PITPNM2: variants seen among roughly 807,000 people sequenced by gnomAD.
PITPNM2 encodes membrane-associated phosphatidylinositol transfer protein 2.
PITPNM2 carries 35 observed loss-of-function variants against 132.2 expected under a neutral mutation model. The observed-to-expected ratio is 0.26, with a 90% CI of 0.20 to 0.35. PITPNM2 has a LOEUF of 0.35. PITPNM2 is among the 10% of genes least tolerant of loss of function. PITPNM2 has a pLI of 1.00. For missense variants in PITPNM2, 1,332 were observed against 1,912.0 expected (o/e 0.70, Z 5.66); for synonymous variants, 738 against 799.2 (o/e 0.92, Z 1.29).
rs2037880823 is a variant in PITPNM2, at chr12:122,985,099, G to GT, written c.*927_*928insA. 6.6e-6 allele frequency: 1 copy of GT among 152,594 alleles called. No individual in the cohort carries two copies. Among genetic ancestry groups the GT allele is most frequent in the South Asian group, 2.1e-4 (1 of 4,838 alleles). The allele number at this position is 152,594 out of a possible 1,614,324, so 9.5% of individuals were successfully genotyped here. On this transcript the variant is annotated 3_prime_UTR_variant, in exon 26 of 26. Transcript: ENST00000320201. ...TAAGTGGGCAGGAGCAGGGCCCACG[G>GT]GACCCAGAACCAGGCTGGACTCCGT...
At chr12:123,116,549 C>T (rs1244688922) in intron 1 of PITPNM2, among the ~76,000 whole-genome samples, 1 of 150,974 alleles carries the variant, frequency 6.6e-6, no homozygotes, top group Non-Finnish European at 1.5e-5. Flanking sequence ...CTCAGGAGGC[C>T]GAAGCAGGAG....
At chr12:123,067,180 T>C (rs1287277094) in intron 2 of PITPNM2, among the ~76,000 whole-genome samples, 1 of 152,092 alleles carries the variant, frequency 6.6e-6, no homozygotes, top group Non-Finnish European at 1.5e-5. Context: ...GCCATGGCCA[T>C]GCATGGTGGC....
At chr12:123,073,971 T>C (rs533677691) in intron 2 of PITPNM2, among the ~76,000 whole-genome samples, 1 of 152,334 alleles carries the variant, frequency 6.6e-6, no homozygotes, top group Admixed American at 6.5e-5. Context: ...CCTCCCATAC[T>C]GAGCACCCGC....
At chr12:123,050,602 C>T (rs935462698) in intron 2 of PITPNM2, among the ~76,000 whole-genome samples, 1 of 152,176 alleles carries the variant, frequency 6.6e-6, no homozygotes, top group African/African-American at 2.4e-5. Context: ...TAGAGGACAA[C>T]GAAAGGCCCA....
In PITPNM2 at chr12:122,994,493, G is replaced by A. The variant is rs2038332624; in HGVS notation, c.2233+308C>T. ...GAGGACCTTGGACCTGGGAGGCTGG[G>A]TCTGTCTCCATCTGACTCTGGGGTG... On this transcript the variant is annotated intron_variant, in intron 15 of 25. Coordinates refer to ENST00000320201, the MANE Select transcript of PITPNM2 (RefSeq NM_020845.3). The surrounding 1 kb of genome is among the most constrained non-coding windows in gnomAD (Gnocchi z 5.4). 6.6e-6 allele frequency among the ~76,000 whole-genome samples: 1 copy of A among 152,152 alleles called. No individual in the cohort carries two copies. The highest frequency in any genetic ancestry group is 1.5e-5 in the Non-Finnish European group (1 of 68,008).
At chr12:123,018,782 C>CTTTT (rs57520928) in intron 3 of PITPNM2, among the ~76,000 whole-genome samples, 20 of 121,430 alleles carry the variant, frequency 1.6e-4, no homozygotes, top group Admixed American at 3.3e-4. Context: ...CTTTCCTTTC[C>CTTTT]TTTTTTTTTT....
rs576736971 is a variant in PITPNM2 at position 122,992,741 on chromosome 12, G to T, written c.2234-72C>A. 5.3e-5 allele frequency: 67 copies of T among 1,254,098 alleles called. 1 individual carries two copies. In the East Asian group the frequency reaches 1.6e-3, roughly 30 times the overall value. 77.7% of individuals were successfully genotyped at this position (1,254,098 alleles called of 1,614,324 possible). On this transcript the variant is annotated intron_variant, in intron 15 of 25. Transcript: ENST00000320201. This position sits in a 1 kb window ranked among gnomAD's most constrained non-coding sequence, Gnocchi z 6.5. ...GCAGTGGTGGGGGTGGGAAATTTGG[G>T]AACTGGGCACTGGGTTGTCTGCTGA...
At chr12:123,028,003 T>G (rs1426209028) in intron 3 of PITPNM2, among the ~76,000 whole-genome samples, 1 of 152,128 alleles carries the variant, frequency 6.6e-6, no homozygotes, top group Non-Finnish European at 1.5e-5. Context: ...CCCTAAACAG[T>G]GCTGCGGTAC....
intron 19 of PITPNM2, 65 bp from the exon 20 acceptor site, chr12:122,988,415 G>A (rs1180856846): frequency 3.2e-5 from 45 of 1,391,158 alleles, no homozygotes; most frequent in Non-Finnish European, 4.4e-5. Context: ...GCCCTGGGAG[G>A]AGGAGGCCCA....
At position 123,099,840 on chromosome 12, in the gene PITPNM2, T is replaced by C. The variant is rs1351326192; in HGVS notation, c.-96+10545A>G. Reference sequence around the variant, plus strand: ...ACAGATGTGCCAGGCACTGACAGCCTGGGAGGCCTATTCCCAGGGGCAATC... The same window carrying C: ...ACAGATGTGCCAGGCACTGACAGCCCGGGAGGCCTATTCCCAGGGGCAATC... On this transcript the variant is annotated intron_variant, in intron 2 of 25. Coordinates refer to ENST00000320201, the MANE Select transcript of PITPNM2 (RefSeq NM_020845.3). This position sits in a 1 kb window ranked among gnomAD's most constrained non-coding sequence, Gnocchi z 4.2. 6.6e-6 allele frequency among the ~76,000 whole-genome samples: 1 copy of C among 152,086 alleles called. No individual in the cohort carries two copies. Among genetic ancestry groups the C allele is most frequent in the African/African-American group, 2.4e-5 (1 of 41,410 alleles).
At chr12:123,147,413 A>G in intron 1 of PITPNM2, among the ~76,000 whole-genome samples, 1 of 152,092 alleles carries the variant, frequency 6.6e-6, no homozygotes, top group Non-Finnish European at 1.5e-5. Context: ...CTCCTAGGCT[A>G]AAGGGATCCT....
chr12:123,048,621 C>A (rs894814716), intron 2 of PITPNM2, among the ~76,000 whole-genome samples: 1 of 150,788 alleles, frequency 6.6e-6, no homozygotes, highest in Non-Finnish European at 1.5e-5. Context: ...ACCTTGTTAG[C>A]CAGGATGGTC....
At chr12:123,128,874 C>T (rs532448606) in intron 1 of PITPNM2, among the ~76,000 whole-genome samples, 1 of 151,946 alleles carries the variant, frequency 6.6e-6, no homozygotes, top group Non-Finnish European at 1.5e-5. Flanking sequence ...AGTGGGCTCA[C>T]GCCTGTAATC....
intron 3 of PITPNM2, among the ~76,000 whole-genome samples, chr12:123,033,612 G>A (rs2040167655): frequency 6.6e-6 from 1 of 152,202 alleles, no homozygotes; most frequent in South Asian, 2.1e-4. Context: ...GCATGGAGCT[G>A]GGAGCTAGGA....
At chr12:123,096,709 A>C (rs1314076960) in intron 2 of PITPNM2, among the ~76,000 whole-genome samples, 1 of 152,204 alleles carries the variant, frequency 6.6e-6, no homozygotes, top group African/African-American at 2.4e-5. Flanking sequence ...GCCTGGGCTG[A>C]GCAGTGAGGA....
chr12:123,001,113 T>C lies in PITPNM2; in HGVS notation c.1094A>G (p.Lys365Arg), dbSNP rs926067054. ...GTCCATGAGGTCATTGGAGCTCCAC[T>C]TGGTGATGTCCTTGGGGAACATTTC... Reference protein sequence around the residue: ...TEEMFPKDITKWSSNDLMDKI... With the variant: ...TEEMFPKDITRWSSNDLMDKI... Residue 365 changes from lysine (K) to arginine (R), a missense_variant, in exon 9 of 26, where the codon AAG (lysine) becomes AGG (arginine). Around this residue, in one of 6 missense-constraint regions of PITPNM2, gnomAD observed 710 missense variants for 911.5 expected, o/e 0.78. Coordinates refer to ENST00000320201, the MANE Select transcript of PITPNM2 (RefSeq NM_020845.3). 1.2e-6 allele frequency: 2 copies of C among 1,614,208 alleles called. No individual in the cohort carries two copies. The highest frequency in any genetic ancestry group is 1.7e-6 in the Non-Finnish European group (2 of 1,180,038).
chr12:123,055,075 A>T lies in PITPNM2; in HGVS notation c.-95-20390T>A, dbSNP rs117468764. ...AAAACTCAGTCTCAAAAAAAAGAAA[A>T]GAAAAGAAAAGAAAAGGTACATTTT... On this transcript the variant is annotated intron_variant, in intron 2 of 25. Transcript: ENST00000320201. Among the ~76,000 whole-genome samples the T allele has an allele frequency of 4.3e-4, 65 of 152,226 alleles. 1 individual carries two copies. The South Asian group carries it at 8.5e-3, about 20-fold the overall frequency.
rs1594133157 is a variant in PITPNM2, at chr12:123,000,058, G to A, written c.1224+720C>T. ...GCAAAGCAGAAAACCACAGGAGGGG[G>A]AGGCTGTGTGGATGTCCCTCCTCCT... On this transcript the variant is annotated intron_variant, in intron 10 of 25. Transcript: ENST00000320201. This position sits in a 1 kb window ranked among gnomAD's most constrained non-coding sequence, Gnocchi z 5.4. Among the ~76,000 whole-genome samples, 1 of 152,196 alleles carries A rather than the reference G, an allele frequency of 6.6e-6. No homozygotes were observed. The highest frequency in any genetic ancestry group is 2.4e-5 in the African/African-American group (1 of 41,436).
chr12:123,144,807 C>T (rs1441331882), intron 1 of PITPNM2, among the ~76,000 whole-genome samples: 1 of 152,034 alleles, frequency 6.6e-6, no homozygotes, highest in Non-Finnish European at 1.5e-5. Flanking sequence ...TCAGGTAATC[C>T]ACCCGCCTCG....
Sources: allele counts gnomAD v4.1 joint callset (sites outside exome capture counted in the v4.1 genomes callset), GRCh38; gene constraint gnomAD v4.1.1; regional missense constraint gnomAD v4.1.1; non-coding constraint Gnocchi (gnomAD v3.1); transcripts MANE v1.5; gene names NCBI Gene and HGNC (gene_info 2026-07-23, HGNC 2026-07-21).